The following TRPC6 variants were observed in gnomAD, a reference collection of about 807,000 sequenced individuals.
TRPC6 encodes transient receptor potential cation channel subfamily C member 6.
TRPC6 carries 55 observed loss-of-function variants against 90.7 expected under a neutral mutation model. The observed-to-expected ratio is 0.61, with a 90% CI of 0.49 to 0.76. TRPC6 has a LOEUF of 0.76. Among genes scored for constraint, TRPC6 ranks in the 30% least tolerant of loss-of-function variants. TRPC6 has a pLI of 0.00. For synonymous variants in TRPC6, 393 were observed against 393.0 expected (o/e 1.00, Z 0.00); for missense variants, 989 against 1,122.7 (o/e 0.88, Z 1.70).
At chr11:101,551,926 C>A (rs1861459185) in intron 1 of TRPC6, among the ~76,000 whole-genome samples, 1 of 152,066 alleles carries the variant, frequency 6.6e-6, no homozygotes, top group Non-Finnish European at 1.5e-5. Flanking sequence ...GGTACCATCC[C>A]ATCCTTTTGT....
chr11:101,454,114 C>T (rs932902130), intron 11 of TRPC6, among the ~76,000 whole-genome samples: 1 of 152,128 alleles, frequency 6.6e-6, no homozygotes, highest in Non-Finnish European at 1.5e-5. Context: ...TTAAGCCCCA[C>T]GTCTGACCCA....
chr11:101,583,551 T>C lies in TRPC6; in HGVS notation c.-48A>G, dbSNP rs781533191. ...GGGCCCCGCTCCCGGGGGAGCCGAGTGGGCAGTTCCAGCGGGGACCCGGTG... is the reference window on the plus strand; with the variant it reads ...GGGCCCCGCTCCCGGGGGAGCCGAGCGGGCAGTTCCAGCGGGGACCCGGTG... On this transcript the variant is annotated 5_prime_UTR_variant, in exon 1 of 13. Coordinates refer to ENST00000344327, the MANE Select transcript of TRPC6 (RefSeq NM_004621.6). 7.8e-6 allele frequency: 11 copies of C among 1,409,986 alleles called. No individual in the cohort carries two copies. The highest frequency in any genetic ancestry group is 1.0e-5 in the Non-Finnish European group (11 of 1,087,710). The allele number at this position is 1,409,986 out of a possible 1,614,324, so 87.3% of individuals were successfully genotyped here.
At chr11:101,573,920 A>AAGTGTGTGTGTG (rs1862016895) in intron 1 of TRPC6, among the ~76,000 whole-genome samples, 1 of 63,774 alleles carries the variant, frequency 1.6e-5, no homozygotes. Flanking sequence ...AGAAACAAAT[A>AAGTGTGTGTGTG]CGTGTGTGTG....
intron 1 of TRPC6, among the ~76,000 whole-genome samples, chr11:101,556,812 T>C (rs974984064): frequency 6.6e-6 from 1 of 151,986 alleles, no homozygotes; most frequent in Non-Finnish European, 1.5e-5. Flanking sequence ...TTCAACAAAA[T>C]ATACAAGCAA....
chr11:101,558,427 C>A lies in TRPC6; in HGVS notation c.170+24907G>T, dbSNP rs1488032611. Among the ~76,000 whole-genome samples the A allele has an allele frequency of 4.8e-5, 5 of 104,958 alleles. 1 individual carries two copies. Among genetic ancestry groups the A allele is most frequent in the Non-Finnish European group, 9.6e-5 (5 of 52,052 alleles). 68.9% of individuals were successfully genotyped at this position (104,958 alleles called of 152,430 possible). On this transcript the variant is annotated intron_variant, in intron 1 of 12. Coordinates refer to ENST00000344327, the MANE Select transcript of TRPC6 (RefSeq NM_004621.6). ...CACACACATATACACACACACATAT[C>A]TACATATATACATATATATACACAC...
At chr11:101,559,036 A>G (rs1861651555) in intron 1 of TRPC6, among the ~76,000 whole-genome samples, 1 of 152,186 alleles carries the variant, frequency 6.6e-6, no homozygotes, top group African/African-American at 2.4e-5. Flanking sequence ...TATCAAACTA[A>G]AAAGCTTCTG....
At chr11:101,460,773 CTATA>C (rs1858986843) in intron 10 of TRPC6, among the ~76,000 whole-genome samples, 2 of 152,136 alleles carry the variant, frequency 1.3e-5, no homozygotes, top group South Asian at 2.1e-4. Flanking sequence ...AAATTTTATG[CTATA>C]TATATTTTAT....
chr11:101,546,050 C>CTTTTT (rs1166182552), intron 1 of TRPC6, among the ~76,000 whole-genome samples: 430 of 29,726 alleles, frequency 0.014, 135 homozygotes, highest in Non-Finnish European at 0.021. Flanking sequence ...ATTTATAACT[C>CTTTTT]TTTTTTTTTT....
intron 1 of TRPC6, among the ~76,000 whole-genome samples, chr11:101,546,002 G>A (rs1861294026): frequency 7.1e-6 from 1 of 140,992 alleles, no homozygotes; most frequent in African/African-American, 2.6e-5. Flanking sequence ...GATAAACTGA[G>A]TTCACAGGAA....
At chr11:101,461,753 G>T (rs1029651815) in intron 10 of TRPC6, among the ~76,000 whole-genome samples, 8 of 151,934 alleles carry the variant, frequency 5.3e-5, no homozygotes, top group African/African-American at 1.9e-4. Flanking sequence ...AAGTATTAAG[G>T]ATCAGAGTTA....
rs1442354978 is a variant in TRPC6 at position 101,504,290 on chromosome 11, C to T, written c.679G>A (p.Ala227Thr). ...SHDVTPIILA[A>T]HCQEYEIVHT... ...ACAATTTCATATTCCTGGCAGTGGGCAGCCAGAATGATTGGAGTCACATCA... is the reference window on the plus strand; with the variant it reads ...ACAATTTCATATTCCTGGCAGTGGGTAGCCAGAATGATTGGAGTCACATCA... Residue 227 changes from alanine to threonine, a missense_variant, in exon 2 of 13, where the codon GCC becomes ACC. By Grantham distance (58) the Ala-to-Thr change is moderately conservative (BLOSUM62 0). Transcript: ENST00000344327. 3 of 1,613,064 alleles carry T rather than the reference C, an allele frequency of 1.9e-6. No homozygotes were observed. Among genetic ancestry groups the T allele is most frequent in the Non-Finnish European group, 2.5e-6 (3 of 1,179,090 alleles).
At chr11:101,529,137 G>C (rs1246086389) in intron 1 of TRPC6, among the ~76,000 whole-genome samples, 3 of 152,054 alleles carry the variant, frequency 2.0e-5, no homozygotes, top group Non-Finnish European at 4.4e-5. Context: ...GTGACACAGG[G>C]GTTCACAGAT....
chr11:101,536,927 C>A (rs1321450334), intron 1 of TRPC6, among the ~76,000 whole-genome samples: 1 of 152,122 alleles, frequency 6.6e-6, no homozygotes, highest in Non-Finnish European at 1.5e-5. Flanking sequence ...TGAGAGATGG[C>A]ACCATTAGGA....
At position 101,583,818 on chromosome 11, in the gene TRPC6, A is replaced by C. The variant is rs1296332503; in HGVS notation, c.-315T>G. 2 of 322,874 alleles carry C rather than the reference A, an allele frequency of 6.2e-6. No individual in the cohort carries two copies. The highest frequency in any genetic ancestry group is 4.9e-5 in the Admixed American group (1 of 20,238). 20.0% of individuals were successfully genotyped at this position (322,874 alleles called of 1,614,324 possible). A position where few individuals can be genotyped will look rare whatever the true frequency, so the allele number is the denominator to read the frequency against. On this transcript the variant is annotated 5_prime_UTR_variant, in exon 1 of 13. Transcript: ENST00000344327. The stretch of plus-strand genomic sequence containing the variant: ...ACAGGCGGGGCCGCTGGTGGTAGCG[A>C]AGCGTAAGAGCGGAGAGCAAGGGAG...
intron 1 of TRPC6, among the ~76,000 whole-genome samples, chr11:101,576,242 T>C (rs890677387): frequency 6.6e-6 from 1 of 152,170 alleles, no homozygotes. Context: ...TGCTACAGAA[T>C]AGGTATTCAA....
chr11:101,475,912 G>A (rs1859404962), intron 6 of TRPC6, among the ~76,000 whole-genome samples: 1 of 147,574 alleles, frequency 6.8e-6, no homozygotes, highest in Non-Finnish European at 1.5e-5. Flanking sequence ...ATACACACAC[G>A]TGTATATATA....
At chr11:101,560,223 T>C (rs1338658625) in intron 1 of TRPC6, among the ~76,000 whole-genome samples, 1 of 152,152 alleles carries the variant, frequency 6.6e-6, no homozygotes, top group African/African-American at 2.4e-5. Flanking sequence ...GCCCGTTATA[T>C]ACTTCTTTTG....
chr11:101,503,858 T>C (rs1370533006), intron 2 of TRPC6, among the ~76,000 whole-genome samples, 166 bp downstream of exon 2: 1 of 152,178 alleles, frequency 6.6e-6, no homozygotes, highest in Non-Finnish European at 1.5e-5. Context: ...ATGGTAGCGA[T>C]CACAACTTTT....
chr11:101,503,926 C>T (rs1336401873), intron 2 of TRPC6, 98 bp downstream of exon 2: 13 of 1,450,502 alleles, frequency 9.0e-6, no homozygotes, highest in Non-Finnish European at 1.3e-5. Context: ...ACCTAGTGTC[C>T]ACAGTAACTA....
Sources: allele counts gnomAD v4.1 joint callset (sites outside exome capture counted in the v4.1 genomes callset), GRCh38; gene constraint gnomAD v4.1.1; transcripts MANE v1.5; gene names NCBI Gene and HGNC (gene_info 2026-07-23, HGNC 2026-07-21).